Variants in CTDSPL observed in about 807,000 individuals in gnomAD.
CTDSPL encodes the protein CTD small phosphatase-like protein.
CTDSPL carries 8 observed loss-of-function variants against 30.5 expected under a neutral mutation model. The ratio of observed to expected loss-of-function variants is 0.26; its 90% CI spans 0.15 to 0.47. The LOEUF is 0.47. CTDSPL is among the 20% of genes least tolerant of loss of function. The probability of loss-of-function intolerance (pLI) is 0.99; values close to 1 mark genes in which losing one functional copy is unlikely to be tolerated. For synonymous variants in CTDSPL, 110 were observed against 137.9 expected (o/e 0.80, Z 1.42); for missense variants, 248 against 366.1 (o/e 0.68, Z 2.63).
rs561949926 is a variant in CTDSPL, at chr3:37,947,003, CAACT to C, written c.80-52_80-49del. ...ACACTCAGATTTTTGCATTATATTA[CAACT>C]ATCAGTACATGCTGCAGTTGGCCAT... On this transcript the variant is annotated intron_variant, in intron 1 of 7. Coordinates refer to ENST00000273179, the MANE Select transcript of CTDSPL (RefSeq NM_001008392.2). The C allele has an allele frequency of 4.4e-5, 69 of 1,556,460 alleles. No homozygotes were observed. In the South Asian group the frequency reaches 7.8e-4, roughly 18 times the overall value.
At chr3:37,907,913 G>A (rs530052826) in intron 1 of CTDSPL, among the ~76,000 whole-genome samples, 21 of 152,310 alleles carry the variant, frequency 1.4e-4, no homozygotes, top group African/African-American at 5.1e-4. Context: ...GCCTAGATAC[G>A]GCTAGTGGTG....
chr3:37,875,833 A>T (rs767986345), intron 1 of CTDSPL, among the ~76,000 whole-genome samples: 2 of 152,240 alleles, frequency 1.3e-5, no homozygotes, highest in Non-Finnish European at 2.9e-5. Flanking sequence ...ATAAAATTTG[A>T]GTTGCTATTA....
At chr3:37,971,993 T>A (rs756773134) in intron 6 of CTDSPL, among the ~76,000 whole-genome samples, 2 of 152,230 alleles carry the variant, frequency 1.3e-5, no homozygotes, top group Non-Finnish European at 2.9e-5. Context: ...TTACTTCACT[T>A]CTCATGTCAG....
intron 1 of CTDSPL, among the ~76,000 whole-genome samples, chr3:37,863,476 A>G (rs1697969959): frequency 6.6e-6 from 1 of 152,206 alleles, no homozygotes; most frequent in African/African-American, 2.4e-5. Context: ...TGAAGGGTCA[A>G]GGAATCTGGC....
At chr3:37,951,672 T>G (rs1263093161) in intron 2 of CTDSPL, among the ~76,000 whole-genome samples, 1 of 151,920 alleles carries the variant, frequency 6.6e-6, no homozygotes, top group Non-Finnish European at 1.5e-5. Context: ...CAGAGCAAGA[T>G]CCTGTCTCAA....
chr3:37,866,715 T>C (rs1698014653), intron 1 of CTDSPL, among the ~76,000 whole-genome samples: 1 of 152,202 alleles, frequency 6.6e-6, no homozygotes, highest in Non-Finnish European at 1.5e-5. Context: ...TGGGCAGATA[T>C]TTTTGCCTAA....
intron 1 of CTDSPL, among the ~76,000 whole-genome samples, chr3:37,891,172 T>A (rs1362768618): frequency 1.3e-5 from 2 of 152,104 alleles, no homozygotes; most frequent in Admixed American, 1.3e-4. Context: ...TGAACCAGAT[T>A]TCCTTCCATC....
intron 1 of CTDSPL, among the ~76,000 whole-genome samples, chr3:37,909,829 G>C (rs1698560096): frequency 6.6e-6 from 1 of 152,226 alleles, no homozygotes; most frequent in Non-Finnish European, 1.5e-5. Flanking sequence ...TTGTAATTCA[G>C]GATTGTGGTG....
At position 37,919,655 on chromosome 3, in the gene CTDSPL, G is replaced by T. The variant is rs368804310; in HGVS notation, c.80-27402G>T. On this transcript the variant is annotated intron_variant, in intron 1 of 7. Transcript: ENST00000273179. ...TGCAGTTTCAAGAGCTGGAGAACTG[G>T]TTAGCGGGAAGAAGCCTACAGCGGA... is the stretch of plus-strand genomic sequence containing the variant. Among the ~76,000 whole-genome samples the T allele has an allele frequency of 7.9e-5, 12 of 152,302 alleles. No homozygotes were observed. The South Asian group carries it at 1.7e-3, about 21-fold the overall frequency.
chr3:37,960,535 TAC>T (rs71288085), intron 3 of CTDSPL, among the ~76,000 whole-genome samples: 91 of 16,272 alleles, frequency 5.6e-3, no homozygotes, highest in South Asian at 0.013. Context: ...TATATATATA[TAC>T]ACACACACAC....
intron 1 of CTDSPL, among the ~76,000 whole-genome samples, chr3:37,881,930 T>C (rs1051255333): frequency 6.6e-6 from 1 of 152,242 alleles, no homozygotes; most frequent in Non-Finnish European, 1.5e-5. Context: ...GAAATAAATA[T>C]ACCAAAATGT....
chr3:37,882,214 G>T (rs904098641), intron 1 of CTDSPL, among the ~76,000 whole-genome samples: 10 of 151,966 alleles, frequency 6.6e-5, no homozygotes, highest in Admixed American at 1.3e-4. Context: ...AGGCCGAGGC[G>T]GGCGGATCAC....
chr3:37,866,779 A>G (rs1698015382), intron 1 of CTDSPL, among the ~76,000 whole-genome samples: 1 of 152,204 alleles, frequency 6.6e-6, no homozygotes, highest in Non-Finnish European at 1.5e-5. Flanking sequence ...TAATTCAGAA[A>G]CTTTAAGCTT....
intron 1 of CTDSPL, among the ~76,000 whole-genome samples, chr3:37,940,127 A>G (rs2125619411): frequency 6.7e-6 from 1 of 150,260 alleles, no homozygotes; most frequent in Non-Finnish European, 1.5e-5. Context: ...CTCGCTACTC[A>G]TAGTCCCCAG....
At chr3:37,863,608 G>A (rs1378085351) in intron 1 of CTDSPL, among the ~76,000 whole-genome samples, 1 of 152,226 alleles carries the variant, frequency 6.6e-6, no homozygotes, top group South Asian at 2.1e-4. Context: ...GCCGGAGCTG[G>A]CCACAGCCGG....
At position 37,975,746 on chromosome 3, in the gene CTDSPL, G is replaced by C; in HGVS notation, c.557G>C (p.Gly186Ala). 1 of 1,614,106 alleles carries C rather than the reference G, an allele frequency of 6.2e-7. No individual in the cohort carries two copies. Among genetic ancestry groups the C allele is most frequent in the Non-Finnish European group, 8.5e-7 (1 of 1,180,006 alleles). ...GTGGCTGACCTCCTAGACCGCTGGG[G>C]TGTGTTCCGGGCCCGGCTCTTCAGA... The part of the protein sequence containing the change: ...DPVADLLDRW[G>A]VFRARLFRES... Residue 186 changes from glycine (G) to alanine (A), a missense_variant, in exon 7 of 8, where the codon GGT (glycine) becomes GCT (alanine). By Grantham distance (60) the Gly-to-Ala change is moderately conservative. Around this residue, in one of 4 missense-constraint regions of CTDSPL, gnomAD observed 84 missense variants for 139.4 expected, o/e 0.60. Transcript: ENST00000273179. This position sits in a 1 kb window ranked among gnomAD's most constrained non-coding sequence, Gnocchi z 4.9.
intron 1 of CTDSPL, among the ~76,000 whole-genome samples, chr3:37,870,366 C>T (rs905473132): frequency 6.6e-6 from 1 of 151,846 alleles, no homozygotes; most frequent in Non-Finnish European, 1.5e-5. Flanking sequence ...AGCATTTTTC[C>T]CTTATTACCT....
chr3:37,874,031 A>C (rs1012082036), intron 1 of CTDSPL, among the ~76,000 whole-genome samples: 1 of 152,264 alleles, frequency 6.6e-6, no homozygotes, highest in Non-Finnish European at 1.5e-5. Context: ...CATCCATTTA[A>C]GTAAACAGAA....
At chr3:37,941,258 C>G (rs939166964) in intron 1 of CTDSPL, among the ~76,000 whole-genome samples, 1 of 150,012 alleles carries the variant, frequency 6.7e-6, no homozygotes, top group African/African-American at 2.4e-5. Context: ...CTACTCCACC[C>G]GAGTTTGTGC....
Sources: allele counts gnomAD v4.1 joint callset (sites outside exome capture counted in the v4.1 genomes callset), GRCh38; gene constraint gnomAD v4.1.1; regional missense constraint gnomAD v4.1.1; non-coding constraint Gnocchi (gnomAD v3.1); transcripts MANE v1.5; gene names NCBI Gene and HGNC (gene_info 2026-07-23, HGNC 2026-07-21).